The following CACNA2D1 variants were observed in gnomAD, a reference collection of about 807,000 sequenced individuals.
CACNA2D1 encodes the protein voltage-dependent calcium channel subunit alpha-2/delta-1.
In CACNA2D1, 53 loss-of-function variants were observed where a neutral mutation model predicts 171.5. The ratio of observed to expected loss-of-function variants is 0.31; its 90% CI spans 0.25 to 0.39. The LOEUF (loss-of-function observed/expected upper bound fraction) is 0.39. Among genes scored for constraint, CACNA2D1 ranks in the 10% least tolerant of loss-of-function variants. CACNA2D1 has a pLI of 1.00. For missense variants in CACNA2D1, 903 were observed against 1,299.8 expected, an observed-to-expected ratio of 0.69 and a Z score of 4.69; for synonymous variants, 442 against 443.1, an observed-to-expected ratio of 1.00 and a Z score of 0.03.
At position 82,271,640 on chromosome 7, in the gene CACNA2D1, C is replaced by T. The variant is rs192846727; in HGVS notation, c.294+63495G>A. On this transcript the variant is annotated intron_variant, in intron 3 of 38. Coordinates refer to ENST00000356860, the MANE Select transcript of CACNA2D1 (RefSeq NM_000722.4). ...TCCCTTTTGTGTGTGAAAAATAGTA[C>T]GTTGTTTTATTATTTCTATTTGGAA... is the stretch of plus-strand genomic sequence containing the variant. Among the ~76,000 whole-genome samples, 11 of 151,912 alleles carry T rather than the reference C, an allele frequency of 7.2e-5. No homozygotes were observed. In the East Asian group the frequency reaches 7.7e-4, roughly 11 times the overall value.
intron 38 of CACNA2D1, among the ~76,000 whole-genome samples, chr7:81,955,914 G>C (rs754425575): frequency 1.8e-5 from 2 of 111,032 alleles, no homozygotes; most frequent in Non-Finnish European, 3.6e-5. Flanking sequence ...GTGGGGGGGG[G>C]GGGGGGTGGT....
intron 3 of CACNA2D1, among the ~76,000 whole-genome samples, chr7:82,311,882 T>C (rs1433695881): frequency 6.6e-6 from 1 of 152,136 alleles, no homozygotes; most frequent in Non-Finnish European, 1.5e-5. Context: ...CACAGTTCCC[T>C]TAAAAAATTC....
intron 27 of CACNA2D1, among the ~76,000 whole-genome samples, chr7:81,970,310 G>C (rs1474765391): frequency 6.6e-6 from 1 of 151,336 alleles, no homozygotes; most frequent in Non-Finnish European, 1.5e-5. Flanking sequence ...AGATAATAGA[G>C]ATAAGATGCA....
At chr7:82,093,249 T>C in intron 6 of CACNA2D1, among the ~76,000 whole-genome samples, 1 of 152,152 alleles carries the variant, frequency 6.6e-6, no homozygotes, top group Non-Finnish European at 1.5e-5. Flanking sequence ...AGCATCTGCA[T>C]CACAGGGCTA....
intron 10 of CACNA2D1, among the ~76,000 whole-genome samples, chr7:82,052,341 A>C (rs187599429): frequency 6.6e-6 from 1 of 152,326 alleles, no homozygotes; most frequent in African/African-American, 2.4e-5. Flanking sequence ...TTTAGAGAGA[A>C]AATAAAATAC....
chr7:82,120,535 C>A (rs1789593821), intron 5 of CACNA2D1, among the ~76,000 whole-genome samples: 1 of 152,072 alleles, frequency 6.6e-6, no homozygotes, highest in African/African-American at 2.4e-5. Context: ...GGCATCAAGT[C>A]TGAATATTCT....
intron 3 of CACNA2D1, among the ~76,000 whole-genome samples, chr7:82,220,225 G>T (rs1801598534): frequency 6.6e-6 from 1 of 152,104 alleles, no homozygotes; most frequent in Non-Finnish European, 1.5e-5. Context: ...ATACTTTTGA[G>T]AACTTAATTA....
At chr7:82,426,593 T>C in intron 1 of CACNA2D1, among the ~76,000 whole-genome samples, 1 of 152,214 alleles carries the variant, frequency 6.6e-6, no homozygotes, top group East Asian at 1.9e-4. Context: ...CCATTCTATA[T>C]TACAAGTAGT....
At chr7:82,142,590 T>C (rs868451867) in intron 4 of CACNA2D1, among the ~76,000 whole-genome samples, 9 of 152,190 alleles carry the variant, frequency 5.9e-5, no homozygotes, top group African/African-American at 1.9e-4. Context: ...TTAAAATATA[T>C]GACACATTCA....
intron 2 of CACNA2D1, among the ~76,000 whole-genome samples, chr7:82,341,872 C>T (rs925709836): frequency 2.2e-5 from 3 of 139,156 alleles, no homozygotes; most frequent in East Asian, 2.1e-4. Flanking sequence ...ACAGTGAAAC[C>T]GCGTCTCTAC....
At chr7:82,432,451 T>A (rs1829767506) in intron 1 of CACNA2D1, among the ~76,000 whole-genome samples, 2 of 152,252 alleles carry the variant, frequency 1.3e-5, no homozygotes, top group South Asian at 4.1e-4. Context: ...TCAAGAGACC[T>A]GGGATGCCTC....
At chr7:82,365,367 G>A (rs566084492) in intron 1 of CACNA2D1, among the ~76,000 whole-genome samples, 8 of 152,282 alleles carry the variant, frequency 5.3e-5, no homozygotes, top group South Asian at 2.1e-4. Context: ...ACACATATAT[G>A]ATGAAACATA....
chr7:82,442,227 T>A (rs1830559767), intron 1 of CACNA2D1, among the ~76,000 whole-genome samples: 1 of 152,198 alleles, frequency 6.6e-6, no homozygotes, highest in African/African-American at 2.4e-5. Flanking sequence ...AAAGATTCAC[T>A]GTTACTTTCC....
At chr7:82,020,730 A>G (rs1801087202) in intron 12 of CACNA2D1, 2 of 152,106 alleles carry the variant, frequency 1.3e-5, no homozygotes, top group Non-Finnish European at 1.5e-5. Context: ...CTCTAATGAA[A>G]AAGGGTATTT....
intron 6 of CACNA2D1, among the ~76,000 whole-genome samples, chr7:82,095,556 T>A (rs1459488025): frequency 6.6e-6 from 1 of 152,178 alleles, no homozygotes; most frequent in African/African-American, 2.4e-5. Context: ...GAGAAAACAT[T>A]ATGTACAATA....
Position 81,959,267 on chromosome 7 carries a change from G to T in CACNA2D1, c.3159+8C>A, listed in dbSNP as rs373122698. 4 of 1,572,002 alleles carry T rather than the reference G, an allele frequency of 2.5e-6. No individual in the cohort carries two copies. In the African/African-American group the frequency reaches 5.4e-5, roughly 21 times the overall value. On this transcript the variant is annotated splice_region_variant and intron_variant, in intron 38 of 38. Coordinates refer to ENST00000356860, the MANE Select transcript of CACNA2D1 (RefSeq NM_000722.4). ...TAGTATTTTAATCCAGTAGAAGTGTGATCTTACCAAGACATTGTTATCAAA... is the reference window on the plus strand; with the variant it reads ...TAGTATTTTAATCCAGTAGAAGTGTTATCTTACCAAGACATTGTTATCAAA...
chr7:82,279,282 T>A (rs940103418), intron 3 of CACNA2D1, among the ~76,000 whole-genome samples: 1 of 152,210 alleles, frequency 6.6e-6, no homozygotes, highest in African/African-American at 2.4e-5. Context: ...CTGCAATGCA[T>A]CCATTTCCAT....
chr7:82,017,099 A>ATG (rs1310775411), intron 12 of CACNA2D1, among the ~76,000 whole-genome samples: 1 of 152,126 alleles, frequency 6.6e-6, no homozygotes, highest in Non-Finnish European at 1.5e-5. Context: ...ACGTATATGT[A>ATG]TGTATATATA....
At chr7:82,254,087 C>G (rs1322964117) in intron 3 of CACNA2D1, among the ~76,000 whole-genome samples, 1 of 151,994 alleles carries the variant, frequency 6.6e-6, no homozygotes, top group East Asian at 1.9e-4. Context: ...AAATAGGGTG[C>G]CATCGAATTA....
Sources: allele counts gnomAD v4.1 joint callset (sites outside exome capture counted in the v4.1 genomes callset), GRCh38; gene constraint gnomAD v4.1.1; transcripts MANE v1.5; gene names NCBI Gene and HGNC (gene_info 2026-07-23, HGNC 2026-07-21).